IL7: variants seen among roughly 807,000 people sequenced by gnomAD.
IL7 encodes the protein interleukin-7.
A neutral mutation model predicts 21.6 loss-of-function variants in IL7; 3 were observed. The observed-to-expected ratio is 0.14, with a 90% CI of 0.06 to 0.36. The LOEUF (loss-of-function observed/expected upper bound fraction) is 0.36. Ranked by LOEUF, IL7 falls within the 10% of genes least tolerant of loss-of-function variation. The pLI, the probability that IL7 is intolerant of heterozygous loss-of-function variation, is 1.00. For missense variants in IL7, 175 were observed against 200.2 expected (o/e 0.87, Z 0.76); for synonymous variants, 62 against 68.1 (o/e 0.91, Z 0.44).
chr8:78,794,587 C>A (rs966267053), intron 2 of IL7, among the ~76,000 whole-genome samples: 4 of 152,084 alleles, frequency 2.6e-5, no homozygotes, highest in African/African-American at 9.7e-5. Context: ...ACATTGAAAT[C>A]TGTTGTTTAG....
Position 78,733,504 on chromosome 8 carries a change from ATAGT to A in IL7, c.*205_*208del, listed in dbSNP as rs1218238495. 4.4e-6 allele frequency: 2 copies of A among 452,820 alleles called. No homozygotes were observed. Among genetic ancestry groups the A allele is most frequent in the Non-Finnish European group, 7.7e-6 (2 of 258,112 alleles). 28.1% of individuals were successfully genotyped at this position (452,820 alleles called of 1,614,324 possible). A position where few individuals can be genotyped will look rare whatever the true frequency, so the allele number is the denominator to read the frequency against. Reference sequence around the variant, plus strand: ...TGATAAATGTTCACATATATAAGAAATAGTTTGTTGACTGGAGCATTCAGTTTCC... The same window carrying A: ...TGATAAATGTTCACATATATAAGAAATTGTTGACTGGAGCATTCAGTTTCC... On this transcript the variant is annotated 3_prime_UTR_variant, in exon 6 of 6. Transcript: ENST00000263851.
At chr8:78,767,715 A>G (rs1411624676) in intron 2 of IL7, among the ~76,000 whole-genome samples, 8 of 151,980 alleles carry the variant, frequency 5.3e-5, no homozygotes, top group Admixed American at 4.6e-4. Flanking sequence ...GTTTTATATC[A>G]CCATTTCTCT....
intron 3 of IL7, among the ~76,000 whole-genome samples, chr8:78,711,179 G>A (rs1810939476): frequency 6.6e-6 from 1 of 152,092 alleles, no homozygotes; most frequent in Non-Finnish European, 1.5e-5. Context: ...GTGTTATTCA[G>A]TAGCAAATAA....
intron 2 of IL7, among the ~76,000 whole-genome samples, chr8:78,759,917 G>A (rs1011491487): frequency 1.4e-4 from 22 of 152,086 alleles, no homozygotes; most frequent in African/African-American, 4.6e-4. Flanking sequence ...CAGAGATCAC[G>A]CAAAAGGAAA....
chr8:78,697,018 G>A (rs117489947), intron 3 of IL7, among the ~76,000 whole-genome samples: 3 of 152,154 alleles, frequency 2.0e-5, no homozygotes, highest in African/African-American at 7.2e-5. Context: ...TGTTTTAGCA[G>A]TGGAGCATCT....
At chr8:78,696,322 C>T (rs1005026290) in intron 3 of IL7, among the ~76,000 whole-genome samples, 5 of 152,198 alleles carry the variant, frequency 3.3e-5, no homozygotes, top group Non-Finnish European at 5.9e-5. Flanking sequence ...GCATGAGCCA[C>T]CGTGCCCAGC....
chr8:78,693,667 T>C (rs1292777855), intron 3 of IL7, among the ~76,000 whole-genome samples: 1 of 152,226 alleles, frequency 6.6e-6, no homozygotes, highest in African/African-American at 2.4e-5. Context: ...AAAAATTTTC[T>C]CCCATTCTGT....
intron 4 of IL7, among the ~76,000 whole-genome samples, chr8:78,737,726 T>C (rs1333080768): frequency 6.6e-6 from 1 of 152,172 alleles, no homozygotes; most frequent in African/African-American, 2.4e-5. Flanking sequence ...GTCATAAAAA[T>C]GTTATTTAAG....
At position 78,718,180 on chromosome 8, in the gene IL7, T is replaced by G. The variant is rs577144505; in HGVS notation, n.579-138A>C. On this transcript the variant is annotated intron_variant and non_coding_transcript_variant, in intron 6 of 6. Transcript: ENST00000519833. Reference sequence around the variant, plus strand: ...TCTATCTTGTTCTATTTATAACTGATTTTTTTTAGTTCTGTATGTATTCGT... The same window carrying G: ...TCTATCTTGTTCTATTTATAACTGAGTTTTTTTAGTTCTGTATGTATTCGT... 3 of 152,018 alleles carry G rather than the reference T, an allele frequency of 2.0e-5. No individual in the cohort carries two copies. The East Asian group carries it at 5.8e-4, about 29-fold the overall frequency. 9.4% of individuals were successfully genotyped at this position (152,018 alleles called of 1,614,324 possible). A position where few individuals can be genotyped will look rare whatever the true frequency, so the allele number is the denominator to read the frequency against.
At chr8:78,686,931 T>G (rs1809998547) in intron 3 of IL7, among the ~76,000 whole-genome samples, 1 of 152,148 alleles carries the variant, frequency 6.6e-6, no homozygotes, top group African/African-American at 2.4e-5. Flanking sequence ...CGGATTGAAA[T>G]GTAGTCATTC....
At chr8:78,787,617 A>G (rs144861166) in intron 2 of IL7, among the ~76,000 whole-genome samples, 74 of 152,272 alleles carry the variant, frequency 4.9e-4, no homozygotes, top group African/African-American at 1.7e-3. Context: ...ATGAGGAAAG[A>G]GTGCTCATTT....
At chr8:78,722,691 A>G (rs1811262999) in intron 3 of IL7, among the ~76,000 whole-genome samples, 1 of 152,010 alleles carries the variant, frequency 6.6e-6, no homozygotes, top group African/African-American at 2.4e-5. Context: ...TTAAGATGCC[A>G]TATCAAAGAT....
chr8:78,702,564 C>T (rs1810639532), intron 3 of IL7, among the ~76,000 whole-genome samples: 1 of 152,002 alleles, frequency 6.6e-6, no homozygotes, highest in Non-Finnish European at 1.5e-5. Context: ...TGGTTGTTAA[C>T]TTGAGATCTT....
At chr8:78,697,700 A>C (rs551406524) in intron 3 of IL7, among the ~76,000 whole-genome samples, 1 of 139,058 alleles carries the variant, frequency 7.2e-6, no homozygotes, top group African/African-American at 2.7e-5. Context: ...TTTTTTTTTG[A>C]CGGAGTCTTG....
downstream of IL7, among the ~76,000 whole-genome samples, chr8:78,731,024 A>G (rs999994141): frequency 6.6e-6 from 1 of 151,978 alleles, no homozygotes; most frequent in Non-Finnish European, 1.5e-5. Context: ...GATTGCCCGT[A>G]CAGAACACCA....
At chr8:78,696,236 G>C (rs947487194) in intron 3 of IL7, among the ~76,000 whole-genome samples, 1 of 152,156 alleles carries the variant, frequency 6.6e-6, no homozygotes, top group African/African-American at 2.4e-5. Context: ...GGGTTTCACT[G>C]TGTTAGCCAG....
chr8:78,700,633 T>C (rs1042285315), intron 3 of IL7, among the ~76,000 whole-genome samples: 1 of 152,170 alleles, frequency 6.6e-6, no homozygotes, highest in African/African-American at 2.4e-5. Flanking sequence ...GTTTTTATAG[T>C]TTTTGGTTTT....
chr8:78,757,886 T>C (rs1812405182), intron 2 of IL7, among the ~76,000 whole-genome samples: 1 of 152,112 alleles, frequency 6.6e-6, no homozygotes, highest in Non-Finnish European at 1.5e-5. Context: ...CTCATGATTG[T>C]GGGTCTTTCC....
At chr8:78,705,272 G>A (rs943968771) in intron 3 of IL7, among the ~76,000 whole-genome samples, 1 of 152,148 alleles carries the variant, frequency 6.6e-6, no homozygotes. Flanking sequence ...TTCAGTCTTT[G>A]AGGCTGCTTA....
Sources: gnomAD v4.1 joint callset for allele counts (sites outside exome capture counted in the v4.1 genomes callset) on GRCh38, gnomAD v4.1.1 for gene constraint, MANE v1.5 for transcripts, NCBI Gene and HGNC (gene_info 2026-07-23, HGNC 2026-07-21) for gene names.